SHISA6: variants seen among roughly 807,000 people sequenced by gnomAD.
SHISA6 encodes the protein protein shisa-6.
Under a neutral mutation model 47.9 loss-of-function variants are expected in SHISA6, and 22 were observed. The ratio of observed to expected loss-of-function variants is 0.46; its 90% CI spans 0.33 to 0.66. The LOEUF (loss-of-function observed/expected upper bound fraction) is 0.66. Among genes scored for constraint, SHISA6 ranks in the 30% least tolerant of loss-of-function variants. The pLI, the probability that SHISA6 is intolerant of heterozygous loss-of-function variation, is 0.02. For synonymous variants in SHISA6, 388 were observed against 337.8 expected (o/e 1.15, Z -1.63); for missense variants, 680 against 764.6 (o/e 0.89, Z 1.30).
intron 3 of SHISA6, among the ~76,000 whole-genome samples, chr17:11,387,846 T>C (rs950473494): frequency 6.6e-6 from 1 of 152,220 alleles, no homozygotes; most frequent in African/African-American, 2.4e-5. Context: ...CACTGCCTTC[T>C]GGTGCTGAGC....
rs113116918 is a variant in SHISA6, at chr17:11,500,404, G to A, written c.896-51492G>A. 8.7e-3 allele frequency among the ~76,000 whole-genome samples: 1,326 copies of A among 152,288 alleles called. 32 individuals carry two copies. Among genetic ancestry groups the A allele is most frequent in the African/African-American group, 0.03 (1,250 of 41,550 alleles). On this transcript the variant is annotated intron_variant, in intron 3 of 5. Coordinates refer to ENST00000441885, the MANE Select transcript of SHISA6 (RefSeq NM_207386.4). ...GGTGCCACCTGCCTGCAAAAGTGCT[G>A]TGCATGGCCTGTGTACTCATATAAA...
At chr17:11,469,173 G>A (rs1255925343) in intron 3 of SHISA6, among the ~76,000 whole-genome samples, 2 of 152,046 alleles carry the variant, frequency 1.3e-5, no homozygotes, top group East Asian at 3.9e-4. Flanking sequence ...CTCAGAACCT[G>A]CGAATATGGT....
At chr17:11,398,127 T>G (rs1913636179) in intron 3 of SHISA6, among the ~76,000 whole-genome samples, 1 of 152,186 alleles carries the variant, frequency 6.6e-6, no homozygotes, top group South Asian at 2.1e-4. Context: ...TGCGTAATTT[T>G]GGGAGAAAAT....
chr17:11,328,485 A>G (rs1378362477), intron 2 of SHISA6, among the ~76,000 whole-genome samples: 2 of 152,200 alleles, frequency 1.3e-5, no homozygotes, highest in Non-Finnish European at 2.9e-5. Context: ...GGGAATGGGA[A>G]TGGTGCTTAT....
In SHISA6 at chr17:11,538,773, C is replaced by T. The variant is rs527950108; in HGVS notation, c.896-13123C>T. On this transcript the variant is annotated intron_variant, in intron 3 of 5. Coordinates refer to ENST00000441885, the MANE Select transcript of SHISA6 (RefSeq NM_207386.4). ...AACTCGTTGGCCTTAAGCATCTAAACTTTAACCTGGTGGTAGTTAAAATAC... is the reference window on the plus strand; with the variant it reads ...AACTCGTTGGCCTTAAGCATCTAAATTTTAACCTGGTGGTAGTTAAAATAC... Among the ~76,000 whole-genome samples, 5 of 152,284 alleles carry T rather than the reference C, an allele frequency of 3.3e-5. No homozygotes were observed. In the East Asian group the frequency reaches 9.7e-4, roughly 29 times the overall value.
At chr17:11,349,209 A>G (rs775292291) in intron 2 of SHISA6, among the ~76,000 whole-genome samples, 1 of 152,088 alleles carries the variant, frequency 6.6e-6, no homozygotes, top group Non-Finnish European at 1.5e-5. Flanking sequence ...TTACCATTCC[A>G]TTTCGCCATT....
intron 3 of SHISA6, among the ~76,000 whole-genome samples, chr17:11,443,358 A>G (rs577182242): frequency 1.2e-4 from 19 of 152,344 alleles, no homozygotes; most frequent in South Asian, 4.1e-4. Context: ...AGCCAAGGCA[A>G]TTCTTAGCCA....
chr17:11,408,824 A>T (rs1283897838), intron 3 of SHISA6, among the ~76,000 whole-genome samples: 1 of 152,218 alleles, frequency 6.6e-6, no homozygotes, highest in Non-Finnish European at 1.5e-5. Flanking sequence ...CAGCTGCCTT[A>T]TTGACGTGAT....
chr17:11,456,455 A>C (rs772542821), intron 3 of SHISA6, among the ~76,000 whole-genome samples: 1 of 152,212 alleles, frequency 6.6e-6, no homozygotes, highest in African/African-American at 2.4e-5. Context: ...GGGTATGAGC[A>C]CAGCTAAGTT....
chr17:11,498,824 A>C (rs1199200448), intron 3 of SHISA6, among the ~76,000 whole-genome samples: 1 of 152,152 alleles, frequency 6.6e-6, no homozygotes, highest in Non-Finnish European at 1.5e-5. Flanking sequence ...TCCTTCTCTG[A>C]GCCTGTATCC....
At chr17:11,409,160 A>G (rs1479593771) in intron 3 of SHISA6, among the ~76,000 whole-genome samples, 1 of 152,228 alleles carries the variant, frequency 6.6e-6, no homozygotes, top group Non-Finnish European at 1.5e-5. Context: ...AGTGTCTAAA[A>G]TAACCTTAGC....
At chr17:11,498,014 C>T (rs1421269176) in intron 3 of SHISA6, among the ~76,000 whole-genome samples, 5 of 152,162 alleles carry the variant, frequency 3.3e-5, no homozygotes, top group Non-Finnish European at 5.9e-5. Context: ...TTAATAAATA[C>T]AGTGTTTTTG....
At chr17:11,263,611 G>A in intron 2 of SHISA6, 85 bp downstream of exon 2, 1 of 1,486,980 alleles carries the variant, frequency 6.7e-7, no homozygotes, top group East Asian at 2.5e-5. Context: ...GCAGGTTGTG[G>A]ACCATGATGG....
chr17:11,413,199 G>A (rs1914183691), intron 3 of SHISA6, among the ~76,000 whole-genome samples: 1 of 152,154 alleles, frequency 6.6e-6, no homozygotes. Context: ...ATGTCATTCT[G>A]TGATTGCCAT....
chr17:11,289,026 T>A (rs1046832607), intron 2 of SHISA6: 4 of 152,164 alleles, frequency 2.6e-5, no homozygotes, highest in Non-Finnish European at 5.9e-5. Flanking sequence ...TAACACAGAA[T>A]CTTTCAAATA....
intron 3 of SHISA6, among the ~76,000 whole-genome samples, chr17:11,542,204 T>G (rs2071839919): frequency 6.6e-6 from 1 of 152,014 alleles, no homozygotes; most frequent in African/African-American, 2.4e-5. Flanking sequence ...CTCAGCAGAT[T>G]TGGGGCACTG....
chr17:11,493,850 C>T (rs1259612174), intron 3 of SHISA6, among the ~76,000 whole-genome samples: 2 of 152,108 alleles, frequency 1.3e-5, no homozygotes, highest in Admixed American at 6.5e-5. Flanking sequence ...GTTTTGTGTA[C>T]AATTTGTACA....
At chr17:11,429,829 ATCAG>A (rs201240261) in intron 3 of SHISA6, among the ~76,000 whole-genome samples, 1 of 145,910 alleles carries the variant, frequency 6.9e-6, no homozygotes, top group Non-Finnish European at 1.5e-5. Flanking sequence ...CAATCAATCA[ATCAG>A]TCAATCAAAT....
At chr17:11,402,662 G>T (rs1913818230) in intron 3 of SHISA6, among the ~76,000 whole-genome samples, 1 of 152,226 alleles carries the variant, frequency 6.6e-6, no homozygotes, top group African/African-American at 2.4e-5. Context: ...CCATGTGTAT[G>T]TCATTGGCCA....
Sources: gnomAD v4.1 joint callset for allele counts (sites outside exome capture counted in the v4.1 genomes callset) on GRCh38, gnomAD v4.1.1 for gene constraint, MANE v1.5 for transcripts, NCBI Gene and HGNC (gene_info 2026-07-23, HGNC 2026-07-21) for gene names.